The following SGCZ variants were observed in gnomAD, a reference collection of about 807,000 sequenced individuals.
SGCZ encodes the protein zeta-sarcoglycan.
Under a neutral mutation model 41.3 loss-of-function variants are expected in SGCZ, and 40 were observed. That is an observed-to-expected ratio of 0.97 (90% CI 0.75 to 1.26). The LOEUF (loss-of-function observed/expected upper bound fraction) is 1.26, where lower values mean the gene tolerates loss of function less well. Among genes scored for constraint, SGCZ ranks in the 50% most tolerant of loss-of-function variants. The pLI is 0.00. For missense variants in SGCZ, 552 were observed against 369.8 expected (o/e 1.49, Z -4.04); for synonymous variants, 206 against 137.5 (o/e 1.50, Z -3.49).
At chr8:14,154,126 T>C (rs1803803685) in intron 5 of SGCZ, among the ~76,000 whole-genome samples, 1 of 152,010 alleles carries the variant, frequency 6.6e-6, no homozygotes, top group Non-Finnish European at 1.5e-5. Flanking sequence ...ATCCCAGCAT[T>C]ATGGGAGGCC....
intron 4 of SGCZ, among the ~76,000 whole-genome samples, chr8:14,222,753 T>A (rs1360117805): frequency 6.7e-6 from 1 of 150,170 alleles, no homozygotes; most frequent in Non-Finnish European, 1.5e-5. Flanking sequence ...CCTACCTAAC[T>A]TATTTAATAA....
At chr8:14,441,494 G>C (rs971186517) in intron 2 of SGCZ, among the ~76,000 whole-genome samples, 4 of 152,316 alleles carry the variant, frequency 2.6e-5, no homozygotes. Flanking sequence ...AACATCACTT[G>C]AACCTGGGAG....
intron 5 of SGCZ, among the ~76,000 whole-genome samples, chr8:14,142,530 C>T (rs113437611): frequency 2.6e-5 from 4 of 152,024 alleles, no homozygotes; most frequent in Non-Finnish European, 4.4e-5. Context: ...GACGTTGAGT[C>T]GTTTTCTGCT....
intron 3 of SGCZ, among the ~76,000 whole-genome samples, chr8:14,320,612 C>T (rs145078444): frequency 9.7e-4 from 148 of 152,122 alleles, no homozygotes; most frequent in African/African-American, 3.4e-3. Flanking sequence ...GGGTTAACAT[C>T]ACAGTGAAAG....
At chr8:15,024,312 G>GA (rs112969337) in intron 1 of SGCZ, among the ~76,000 whole-genome samples, 18 of 151,774 alleles carry the variant, frequency 1.2e-4, no homozygotes, top group African/African-American at 3.4e-4. Flanking sequence ...ATATCCACTG[G>GA]AAAAAAAATC....
intron 2 of SGCZ, among the ~76,000 whole-genome samples, chr8:14,380,461 G>C (rs1016919992): frequency 1.3e-5 from 2 of 152,178 alleles, no homozygotes; most frequent in Non-Finnish European, 2.9e-5. Context: ...CACGTGGCTA[G>C]TGACTGTTCT....
chr8:14,711,160 C>G (rs1809501848), intron 1 of SGCZ, among the ~76,000 whole-genome samples: 2 of 152,134 alleles, frequency 1.3e-5, no homozygotes, highest in Admixed American at 6.5e-5. Context: ...GAGCAAGTCA[C>G]TATGGACTTA....
At chr8:14,978,127 T>C (rs1371162476) in intron 1 of SGCZ, among the ~76,000 whole-genome samples, 1 of 151,992 alleles carries the variant, frequency 6.6e-6, no homozygotes, top group African/African-American at 2.4e-5. Flanking sequence ...TGTCTTTGCA[T>C]TTTTATGTTA....
chr8:14,569,585 A>C (rs995804629), intron 1 of SGCZ, among the ~76,000 whole-genome samples: 2 of 152,228 alleles, frequency 1.3e-5, no homozygotes, highest in Non-Finnish European at 2.9e-5. Flanking sequence ...CCCTGTCATC[A>C]TGGGGTCTAC....
At chr8:14,338,887 C>T (rs772045490) in intron 2 of SGCZ, among the ~76,000 whole-genome samples, 5 of 152,108 alleles carry the variant, frequency 3.3e-5, no homozygotes, top group South Asian at 4.1e-4. Context: ...GGATGTCTGT[C>T]ATTTAAGCCA....
At chr8:14,304,730 A>G (rs571374476) in intron 3 of SGCZ, among the ~76,000 whole-genome samples, 1 of 152,342 alleles carries the variant, frequency 6.6e-6, no homozygotes, top group African/African-American at 2.4e-5. Flanking sequence ...GGATCAAAGT[A>G]TTTAGTAAAT....
intron 1 of SGCZ, among the ~76,000 whole-genome samples, chr8:14,692,136 G>A (rs1585186419): frequency 1.3e-5 from 2 of 151,962 alleles, no homozygotes; most frequent in South Asian, 2.1e-4. Flanking sequence ...AATCCCGGTT[G>A]CATCTGACCA....
chr8:14,576,134 C>T (rs568067904), intron 1 of SGCZ, among the ~76,000 whole-genome samples: 1 of 152,210 alleles, frequency 6.6e-6, no homozygotes, highest in South Asian at 2.1e-4. Flanking sequence ...TCTCTGTTAA[C>T]TTGTATGTGA....
At chr8:14,232,055 A>G (rs1806591076) in intron 4 of SGCZ, among the ~76,000 whole-genome samples, 1 of 151,994 alleles carries the variant, frequency 6.6e-6, no homozygotes, top group Non-Finnish European at 1.5e-5. Context: ...GACTCAAAAA[A>G]TACAGGAAAA....
intron 2 of SGCZ, among the ~76,000 whole-genome samples, chr8:14,342,536 C>G (rs536197219): frequency 1.3e-5 from 2 of 152,132 alleles, no homozygotes; most frequent in Middle Eastern, 3.4e-3. Context: ...AGGATGGTCT[C>G]GATCTCCTGA....
chr8:14,876,437 A>G (rs532825061), intron 1 of SGCZ, among the ~76,000 whole-genome samples: 3 of 152,298 alleles, frequency 2.0e-5, no homozygotes, highest in South Asian at 4.1e-4. Flanking sequence ...TCATTTTCAG[A>G]AACTAGAGGA....
intron 1 of SGCZ, among the ~76,000 whole-genome samples, chr8:15,155,821 T>TC (rs1342524746): frequency 5.9e-5 from 9 of 152,034 alleles, no homozygotes; most frequent in Admixed American, 3.9e-4. Flanking sequence ...ACTTTGGGAG[T>TC]CTGAGGCAGG....
chr8:14,913,435 A>G lies in SGCZ; in HGVS notation c.39+324150T>C, dbSNP rs181824923. ...TTAAAGATTCACTATTCATTTTTCC[A>G]TAAGAGCTATGAGATGTTTGTACCA... On this transcript the variant is annotated intron_variant, in intron 1 of 7. Coordinates refer to ENST00000382080, the MANE Select transcript of SGCZ (RefSeq NM_139167.4). 9.9e-4 allele frequency among the ~76,000 whole-genome samples: 151 copies of G among 152,182 alleles called. 1 individual carries two copies. The East Asian group carries it at 0.025, about 25-fold the overall frequency.
At chr8:14,395,595 T>C (rs1302467329) in intron 2 of SGCZ, among the ~76,000 whole-genome samples, 10 of 152,112 alleles carry the variant, frequency 6.6e-5, no homozygotes, top group Non-Finnish European at 1.2e-4. Flanking sequence ...GAAAGGAGTA[T>C]TGATTTTCAA....
Sources: gnomAD v4.1 joint callset for allele counts (sites outside exome capture counted in the v4.1 genomes callset) on GRCh38, gnomAD v4.1.1 for gene constraint, MANE v1.5 for transcripts, NCBI Gene and HGNC (gene_info 2026-07-23, HGNC 2026-07-21) for gene names.